Variants in SLC9A9 observed in about 807,000 individuals in gnomAD.
The protein encoded by SLC9A9 is solute carrier family 9 member A9.
Under a neutral mutation model 77.8 loss-of-function variants are expected in SLC9A9, and 62 were observed. The observed-to-expected ratio is 0.80, with a 90% confidence interval of 0.65 to 0.98. The LOEUF is 0.98. Ranked by LOEUF, SLC9A9 falls within the 50% of genes least tolerant of loss-of-function variation. SLC9A9 has a pLI of 0.00. For missense variants in SLC9A9, 775 were observed against 774.9 expected (o/e 1.00, Z 0.00); for synonymous variants, 320 against 283.5 (o/e 1.13, Z -1.29).
At chr3:143,501,479 G>C (rs1319793124) in intron 9 of SLC9A9, among the ~76,000 whole-genome samples, 1 of 150,646 alleles carries the variant, frequency 6.6e-6, no homozygotes, top group Non-Finnish European at 1.5e-5. Context: ...GTCCTCTCAC[G>C]AAGGGGATAC....
At chr3:143,469,089 G>C (rs1452808713) in intron 11 of SLC9A9, among the ~76,000 whole-genome samples, 1 of 152,204 alleles carries the variant, frequency 6.6e-6, no homozygotes, top group East Asian at 1.9e-4. Context: ...GAACCTGGGA[G>C]GTGGAGGTTG....
intron 6 of SLC9A9, among the ~76,000 whole-genome samples, chr3:143,594,475 G>GGA (rs1458764560): frequency 6.6e-6 from 1 of 152,180 alleles, no homozygotes; most frequent in Non-Finnish European, 1.5e-5. Context: ...AGGAAATTGA[G>GGA]GAGTGTTAAC....
chr3:143,626,198 G>A (rs1441999173), intron 6 of SLC9A9, among the ~76,000 whole-genome samples: 1 of 152,228 alleles, frequency 6.6e-6, no homozygotes, highest in Non-Finnish European at 1.5e-5. Context: ...CATTGTGGAA[G>A]TCAGTGTGGC....
At chr3:143,673,260 T>C (rs774679849) in intron 5 of SLC9A9, among the ~76,000 whole-genome samples, 1 of 152,124 alleles carries the variant, frequency 6.6e-6, no homozygotes. Flanking sequence ...TTTTGCCAAG[T>C]TGGAGAATTC....
chr3:143,367,670 G>C (rs2032948327), intron 13 of SLC9A9, among the ~76,000 whole-genome samples: 1 of 152,176 alleles, frequency 6.6e-6, no homozygotes. Context: ...CCAGCCCACG[G>C]GAGGGTCCAG....
intron 12 of SLC9A9, among the ~76,000 whole-genome samples, chr3:143,392,198 A>G (rs2033587920): frequency 6.6e-6 from 1 of 152,222 alleles, no homozygotes. Flanking sequence ...GGGCAGCCAG[A>G]GAGAAAGGTC....
intron 2 of SLC9A9, among the ~76,000 whole-genome samples, chr3:143,823,830 A>G (rs1411118526): frequency 6.6e-6 from 1 of 152,120 alleles, no homozygotes; most frequent in Non-Finnish European, 1.5e-5. Context: ...CATATCTTAG[A>G]GAATGGAAAG....
chr3:143,624,279 C>T (rs147172850), intron 6 of SLC9A9, among the ~76,000 whole-genome samples: 20,002 of 152,082 alleles, frequency 0.13, 1,644 homozygotes, highest in Non-Finnish European at 0.18. Flanking sequence ...GCCAGCATCA[C>T]CCTGATACCA....
chr3:143,667,905 C>T (rs1165557548), intron 5 of SLC9A9, among the ~76,000 whole-genome samples: 2 of 152,116 alleles, frequency 1.3e-5, no homozygotes, highest in Non-Finnish European at 2.9e-5. Context: ...CTAGTTCAAC[C>T]ATTGTGGAAG....
intron 15 of SLC9A9, among the ~76,000 whole-genome samples, chr3:143,268,458 G>T (rs1937795044): frequency 6.6e-6 from 1 of 152,038 alleles, no homozygotes; most frequent in African/African-American, 2.4e-5. Flanking sequence ...CTCAGGCCGG[G>T]CACGGTGGCT....
At chr3:143,650,685 T>C (rs1327021068) in intron 6 of SLC9A9, among the ~76,000 whole-genome samples, 1 of 152,202 alleles carries the variant, frequency 6.6e-6, no homozygotes, top group African/African-American at 2.4e-5. Flanking sequence ...GAGCACAAGA[T>C]TTCAGCTAGA....
At chr3:143,424,212 G>T (rs2034361807) in intron 12 of SLC9A9, among the ~76,000 whole-genome samples, 1 of 151,690 alleles carries the variant, frequency 6.6e-6, no homozygotes, top group Non-Finnish European at 1.5e-5. Context: ...AGTGATGAAG[G>T]ATCAAGTGAA....
intron 13 of SLC9A9, among the ~76,000 whole-genome samples, chr3:143,378,238 C>T (rs1332129767): frequency 6.6e-6 from 1 of 152,116 alleles, no homozygotes; most frequent in Non-Finnish European, 1.5e-5. Context: ...ACGTTAGTGC[C>T]GTAGGAGTGG....
Position 143,522,497 on chromosome 3 carries a change from T to A in SLC9A9, c.1090-27049A>T, listed in dbSNP as rs965260597. ...GCATTTAGTTGGTCCCAGCTCTTTT[T>A]CCATTGATTCTAGAAACTGTCACAG... is the stretch of plus-strand genomic sequence containing the variant. On this transcript the variant is annotated intron_variant, in intron 9 of 15. Transcript: ENST00000316549. Among the ~76,000 whole-genome samples the A allele has an allele frequency of 1.3e-5, 2 of 152,140 alleles. 1 individual carries two copies. Among genetic ancestry groups the A allele is most frequent in the Admixed American group, 1.3e-4 (2 of 15,282 alleles).
At chr3:143,770,907 A>T (rs778667738) in intron 4 of SLC9A9, among the ~76,000 whole-genome samples, 1 of 152,202 alleles carries the variant, frequency 6.6e-6, no homozygotes, top group Non-Finnish European at 1.5e-5. Flanking sequence ...TAGCTCCTAA[A>T]CAAGTTTAAA....
At chr3:143,753,846 A>C (rs2006830505) in intron 4 of SLC9A9, among the ~76,000 whole-genome samples, 1 of 152,250 alleles carries the variant, frequency 6.6e-6, no homozygotes, top group African/African-American at 2.4e-5. Context: ...ACTTTATATA[A>C]GAAGGTGAAG....
chr3:143,545,298 G>A (rs1039746270), intron 9 of SLC9A9, among the ~76,000 whole-genome samples: 1 of 152,160 alleles, frequency 6.6e-6, no homozygotes, highest in Non-Finnish European at 1.5e-5. Flanking sequence ...CCTCCAGTAA[G>A]CAATTCAGTT....
chr3:143,837,863 G>A (rs2009608783), intron 1 of SLC9A9, among the ~76,000 whole-genome samples: 1 of 152,056 alleles, frequency 6.6e-6, no homozygotes, highest in African/African-American at 2.4e-5. Flanking sequence ...CATATTAATG[G>A]GCCCGGTTAG....
chr3:143,435,920 A>G (rs2034613538), intron 12 of SLC9A9, among the ~76,000 whole-genome samples: 1 of 152,222 alleles, frequency 6.6e-6, no homozygotes, highest in Admixed American at 6.5e-5. Flanking sequence ...CCCTCCCTGC[A>G]GGGGCTGCCT....
Sources: gnomAD v4.1 joint callset for allele counts (sites outside exome capture counted in the v4.1 genomes callset) on GRCh38, gnomAD v4.1.1 for gene constraint, MANE v1.5 for transcripts, NCBI Gene and HGNC (gene_info 2026-07-23, HGNC 2026-07-21) for gene names.